The following PLXNA2 variants were observed in gnomAD, a reference collection of about 807,000 sequenced individuals.
PLXNA2 encodes the protein plexin A2.
Under a neutral mutation model 193.5 loss-of-function variants are expected in PLXNA2, and 91 were observed. That is an observed-to-expected ratio of 0.47 (90% CI 0.40 to 0.56). The LOEUF (loss-of-function observed/expected upper bound fraction) is 0.56, where lower values mean the gene tolerates loss of function less well. Among genes scored for constraint, PLXNA2 ranks in the 20% least tolerant of loss-of-function variants. PLXNA2 has a pLI of 0.00. For missense variants in PLXNA2, 1,995 were observed against 2,503.2 expected (o/e 0.80, Z 4.33); for synonymous variants, 997 against 1,027.3 (o/e 0.97, Z 0.56).
intron 5 of PLXNA2, among the ~76,000 whole-genome samples, chr1:208,099,809 T>A (rs543886828): frequency 3.3e-5 from 5 of 152,082 alleles, no homozygotes; most frequent in Admixed American, 3.3e-4. Flanking sequence ...GATCTCGTGA[T>A]CCACCTGCGT....
At chr1:208,188,925 C>T (rs1302296302) in intron 3 of PLXNA2, among the ~76,000 whole-genome samples, 1 of 152,110 alleles carries the variant, frequency 6.6e-6, no homozygotes, top group African/African-American at 2.4e-5. Context: ...CTTATGTACT[C>T]CAGCCCCAGA....
chr1:208,071,570 GC>G (rs1322374282), intron 12 of PLXNA2, among the ~76,000 whole-genome samples: 1 of 152,216 alleles, frequency 6.6e-6, no homozygotes, highest in African/African-American at 2.4e-5. Context: ...GTAGGCTAGA[GC>G]CCAGCTGACG....
At chr1:208,115,877 T>C (rs1245730773) in intron 4 of PLXNA2, among the ~76,000 whole-genome samples, 2 of 152,218 alleles carry the variant, frequency 1.3e-5, no homozygotes, top group Non-Finnish European at 2.9e-5. Flanking sequence ...ACACAGTTTC[T>C]TTCAGCTAAA....
chr1:208,148,076 T>G (rs904303950), intron 3 of PLXNA2, among the ~76,000 whole-genome samples: 1 of 152,204 alleles, frequency 6.6e-6, no homozygotes, highest in Non-Finnish European at 1.5e-5. Context: ...CACAGCTATA[T>G]CTGGACAGAA....
At chr1:208,173,555 C>T (rs1006451978) in intron 3 of PLXNA2, among the ~76,000 whole-genome samples, 2 of 152,240 alleles carry the variant, frequency 1.3e-5, no homozygotes, top group Non-Finnish European at 2.9e-5. Context: ...CAGGATTCAC[C>T]TGCAGTCCAG....
rs376342223 is a variant in PLXNA2 at position 208,231,948 on chromosome 1, A to G, written c.-81+11695T>C. On this transcript the variant is annotated intron_variant, in intron 1 of 31. Coordinates refer to ENST00000367033, the MANE Select transcript of PLXNA2 (RefSeq NM_025179.4). ...CCTGCACATAAGCAATACTCTGACCATAGTTGGGGATATCCTGTTACTACT... is the reference window on the plus strand; with the variant it reads ...CCTGCACATAAGCAATACTCTGACCGTAGTTGGGGATATCCTGTTACTACT... Among the ~76,000 whole-genome samples the G allele has an allele frequency of 2.0e-5, 3 of 152,226 alleles. No homozygotes were observed. In the South Asian group the frequency reaches 6.2e-4, roughly 32 times the overall value.
intron 22 of PLXNA2, among the ~76,000 whole-genome samples, chr1:208,041,265 G>A (rs991214065): frequency 6.6e-6 from 1 of 152,188 alleles, no homozygotes; most frequent in East Asian, 1.9e-4. Flanking sequence ...CTAGAGGAAG[G>A]CTAAAGAGGA....
rs572113133 is a variant in PLXNA2 at position 208,048,178 on chromosome 1, C to T, written c.3256-2061G>A. ...GCAAGAGGCCTCTGGACGCTGCCTGCCCCGTGCTGCGTCGGCACTTTTGTT... is the reference window on the plus strand; with the variant it reads ...GCAAGAGGCCTCTGGACGCTGCCTGTCCCGTGCTGCGTCGGCACTTTTGTT... On this transcript the variant is annotated intron_variant, in intron 17 of 31. Transcript: ENST00000367033. Among the ~76,000 whole-genome samples the T allele has an allele frequency of 1.9e-3, 282 of 152,332 alleles. 1 individual carries two copies. Among genetic ancestry groups the T allele is most frequent in the South Asian group, 3.3e-3 (16 of 4,832 alleles).
rs745991350 is a variant in PLXNA2 at position 208,027,305 on chromosome 1, G to A, written c.5623C>T (p.Arg1875Trp). Reference protein sequence around the residue: ...IGALEQDEQARRQRLAYKVEQ... With the variant: ...IGALEQDEQAWRQRLAYKVEQ... Reference sequence around the variant, plus strand: ...ACCTTATAAGCCAGCCGCTGCCGCCGTGCCTGCTCATCCTGCTCTAGGGCC... The same window carrying A: ...ACCTTATAAGCCAGCCGCTGCCGCCATGCCTGCTCATCCTGCTCTAGGGCC... The change falls in exon 32 of 32, where the codon CGG (arginine) becomes TGG (tryptophan). Residue 1875 changes from arginine to tryptophan, a missense_variant. Physicochemically the swap from Arg to Trp is moderately radical, Grantham distance 101. Coordinates refer to ENST00000367033, the MANE Select transcript of PLXNA2 (RefSeq NM_025179.4). 1.1e-5 allele frequency: 18 copies of A among 1,613,344 alleles called. No homozygotes were observed. The highest frequency in any genetic ancestry group is 2.2e-5 in the East Asian group (1 of 44,902).
chr1:208,201,380 T>C (rs1312256477), intron 3 of PLXNA2, among the ~76,000 whole-genome samples: 1 of 152,204 alleles, frequency 6.6e-6, no homozygotes, highest in Non-Finnish European at 1.5e-5. Context: ...TTTGGTGATA[T>C]GAGACTGGGA....
intron 9 of PLXNA2, 34 bp from the exon 10 acceptor site, chr1:208,084,614 C>A (rs777358469): frequency 6.3e-7 from 1 of 1,599,342 alleles, no homozygotes; most frequent in East Asian, 2.2e-5. Flanking sequence ...CCATCTGTCC[C>A]CTGTTCATGC....
At chr1:208,128,399 T>C (rs1263500990) in intron 4 of PLXNA2, among the ~76,000 whole-genome samples, 1 of 152,120 alleles carries the variant, frequency 6.6e-6, no homozygotes, top group Non-Finnish European at 1.5e-5. Context: ...TGGCTGAGGG[T>C]TTGGCTCTCA....
Position 208,044,932 on chromosome 1 carries a change from G to T in PLXNA2, c.3639+135C>A. On this transcript the variant is annotated intron_variant, in intron 19 of 31. Transcript: ENST00000367033. This position sits in a 1 kb window ranked among gnomAD's most constrained non-coding sequence, Gnocchi z 4.9. ...TGTGTTCTCAGCTTATACCCAATTT[G>T]ATGTAGGACCCAGAGATGAGGAGAT... The T allele has an allele frequency of 2.6e-6, 3 of 1,161,656 alleles. No individual in the cohort carries two copies. The highest frequency in any genetic ancestry group is 1.4e-5 in the South Asian group (1 of 70,506). 72.0% of individuals were successfully genotyped at this position (1,161,656 alleles called of 1,614,324 possible). A position where few individuals can be genotyped will look rare whatever the true frequency, so the allele number is the denominator to read the frequency against.
intron 17 of PLXNA2, among the ~76,000 whole-genome samples, chr1:208,047,157 C>T: frequency 6.6e-6 from 1 of 152,122 alleles, no homozygotes; most frequent in South Asian, 2.1e-4. Flanking sequence ...GACAGGGTTT[C>T]ACCATGTTTG....
In PLXNA2 at chr1:208,027,257, A is replaced by G; in HGVS notation, c.5671T>C (p.Ser1891Pro). Residue 1891 changes from serine to proline, a missense_variant, in exon 32 of 32, where the codon TCC becomes CCC. By Grantham distance (74) the Ser-to-Pro change is moderately conservative. This residue lies in a region of PLXNA2 where 1,291 missense variants were observed against 1,673.6 expected (regional missense o/e 0.77). Coordinates refer to ENST00000367033, the MANE Select transcript of PLXNA2 (RefSeq NM_025179.4). Reference sequence around the variant, plus strand: ...GGCTCCTCCTCTCAGCTCTCAATGGACATGGCATTAATGAGCTGCTCCACC... The same window carrying G: ...GGCTCCTCCTCTCAGCTCTCAATGGGCATGGCATTAATGAGCTGCTCCACC... Reference protein sequence around the residue: ...YKVEQLINAMSIES With the variant: ...YKVEQLINAMPIES 1.2e-6 allele frequency: 2 copies of G among 1,613,510 alleles called. No individual in the cohort carries two copies. The highest frequency in any genetic ancestry group is 1.1e-5 in the South Asian group (1 of 91,074).
intron 3 of PLXNA2, among the ~76,000 whole-genome samples, chr1:208,147,656 C>T (rs76279455): frequency 0.012 from 1,782 of 152,276 alleles, 54 homozygotes; most frequent in East Asian, 0.092. Flanking sequence ...AACTCAGAGG[C>T]ACAGGAGAGT....
chr1:208,240,770 G>T (rs1348913832), intron 1 of PLXNA2, among the ~76,000 whole-genome samples: 2 of 118,132 alleles, frequency 1.7e-5, no homozygotes, highest in Non-Finnish European at 3.4e-5. Flanking sequence ...TGGGGGTGGG[G>T]GGTGGGGGCT....
intron 29 of PLXNA2, chr1:208,030,872 G>C (rs1038067158): frequency 2.0e-6 from 2 of 985,316 alleles, no homozygotes; most frequent in Non-Finnish European, 2.4e-6. Context: ...CTTGGTCTGT[G>C]GTCCAGGTTC....
intron 3 of PLXNA2, among the ~76,000 whole-genome samples, chr1:208,198,699 C>T (rs1670439716): frequency 6.6e-6 from 1 of 152,178 alleles, no homozygotes; most frequent in Admixed American, 6.5e-5. Flanking sequence ...GTAGCCCTTC[C>T]CCTCTTCTCT....
Sources: gnomAD v4.1 joint callset for allele counts (sites outside exome capture counted in the v4.1 genomes callset) on GRCh38, gnomAD v4.1.1 for gene constraint, gnomAD v4.1.1 regional missense constraint, Gnocchi (gnomAD v3.1) non-coding constraint, MANE v1.5 for transcripts, NCBI Gene and HGNC (gene_info 2026-07-23, HGNC 2026-07-21) for gene names.